KCNIP4: variants seen among roughly 807,000 people sequenced by gnomAD.
KCNIP4 encodes potassium voltage-gated channel interacting protein 4.
A neutral mutation model predicts 34.0 loss-of-function variants in KCNIP4; 12 were observed. The observed-to-expected ratio is 0.35, with a 90% CI of 0.23 to 0.57. The LOEUF (loss-of-function observed/expected upper bound fraction) is 0.57, where lower values mean the gene tolerates loss of function less well. KCNIP4 is among the 20% of genes least tolerant of loss of function. KCNIP4 has a pLI of 0.83. For missense variants in KCNIP4, 238 were observed against 311.7 expected, an observed-to-expected ratio of 0.76 and a Z score of 1.78; for synonymous variants, 124 against 102.2, an observed-to-expected ratio of 1.21 and a Z score of -1.29.
At chr4:20,981,600 A>G (rs1736072157) in intron 1 of KCNIP4, among the ~76,000 whole-genome samples, 1 of 152,212 alleles carries the variant, frequency 6.6e-6, no homozygotes, top group Non-Finnish European at 1.5e-5. Context: ...ATGACAAGTC[A>G]GTTAACTTTA....
chr4:21,234,542 TAA>T (rs1161885204), intron 1 of KCNIP4, among the ~76,000 whole-genome samples: 1 of 128,268 alleles, frequency 7.8e-6, no homozygotes, highest in Non-Finnish European at 1.6e-5. Context: ...ATAACGTATA[TAA>T]TATATATTAC....
At chr4:21,604,545 TA>T (rs1247344251) in intron 1 of KCNIP4, among the ~76,000 whole-genome samples, 1 of 152,188 alleles carries the variant, frequency 6.6e-6, no homozygotes, top group Non-Finnish European at 1.5e-5. Context: ...ATGGCAAGCA[TA>T]AATGGGACCT....
intron 1 of KCNIP4, among the ~76,000 whole-genome samples, chr4:21,207,925 C>G (rs1023624488): frequency 6.6e-6 from 1 of 151,070 alleles, no homozygotes; most frequent in Non-Finnish European, 1.5e-5. Context: ...TCACTGCAAC[C>G]TCCACCTCTG....
intron 1 of KCNIP4, among the ~76,000 whole-genome samples, chr4:21,942,521 G>T (rs1475945870): frequency 6.6e-6 from 1 of 152,156 alleles, no homozygotes; most frequent in East Asian, 1.9e-4. Flanking sequence ...GATAGTCATG[G>T]TGCTATAGAT....
intron 1 of KCNIP4, among the ~76,000 whole-genome samples, chr4:21,327,748 T>C (rs1049354136): frequency 2.0e-5 from 3 of 151,996 alleles, no homozygotes; most frequent in African/African-American, 7.2e-5. Context: ...TTCTTTCTGA[T>C]GTTTTTGTCC....
At chr4:20,730,551 T>G (rs1296342917) in intron 8 of KCNIP4, among the ~76,000 whole-genome samples, 1 of 151,904 alleles carries the variant, frequency 6.6e-6, no homozygotes, top group Non-Finnish European at 1.5e-5. Context: ...GAGCCAGCAG[T>G]TCATGAAGAT....
chr4:21,144,498 G>A (rs541420640), intron 1 of KCNIP4, among the ~76,000 whole-genome samples: 14 of 152,294 alleles, frequency 9.2e-5, no homozygotes, highest in African/African-American at 3.4e-4. Flanking sequence ...ACCCTGGTAT[G>A]AAGAGTCCCT....
At chr4:21,849,709 G>A (rs1469470261) in intron 1 of KCNIP4, 3 of 151,924 alleles carry the variant, frequency 2.0e-5, no homozygotes, top group African/African-American at 7.3e-5. Context: ...TATAAAGAAA[G>A]AATACTAGAT....
chr4:21,528,299 A>G (rs1314409121), intron 1 of KCNIP4, among the ~76,000 whole-genome samples: 1 of 152,028 alleles, frequency 6.6e-6, no homozygotes, highest in East Asian at 1.9e-4. Context: ...TTGTTTTTGG[A>G]ATGATTGTAC....
chr4:20,754,135 C>G (rs548806023), intron 4 of KCNIP4, among the ~76,000 whole-genome samples: 1 of 152,204 alleles, frequency 6.6e-6, no homozygotes, highest in African/African-American at 2.4e-5. Context: ...ACCAACAAAC[C>G]GTTTCCTCTC....
In KCNIP4 at chr4:21,115,694, T is replaced by G. The variant is rs560759476; in HGVS notation, c.62-232985A>C. ...GATCAATAATGATAAATTGGATTTT[T>G]AGCCTTTGGGAATAAATGGGGAACC... On this transcript the variant is annotated intron_variant, in intron 1 of 8. Transcript: ENST00000382152. 3.5e-3 allele frequency among the ~76,000 whole-genome samples: 534 copies of G among 152,304 alleles called. 1 individual carries two copies. Among genetic ancestry groups the G allele is most frequent in the African/African-American group, 0.013 (522 of 41,562 alleles).
intron 1 of KCNIP4, among the ~76,000 whole-genome samples, chr4:21,645,981 A>G (rs16871653): frequency 0.01 from 1,572 of 152,290 alleles, 81 homozygotes; most frequent in Admixed American, 0.09. Flanking sequence ...ATCTGTTGCA[A>G]TATCACCAGA....
At chr4:21,365,720 A>G (rs1719706120) in intron 1 of KCNIP4, among the ~76,000 whole-genome samples, 1 of 152,050 alleles carries the variant, frequency 6.6e-6, no homozygotes, top group East Asian at 1.9e-4. Flanking sequence ...GGCAGCAAAA[A>G]TTTATCTACA....
At chr4:20,844,030 G>A (rs1720074462) in intron 3 of KCNIP4, among the ~76,000 whole-genome samples, 1 of 152,126 alleles carries the variant, frequency 6.6e-6, no homozygotes, top group Non-Finnish European at 1.5e-5. Context: ...TCTTTTGACA[G>A]CACTCTTAAA....
At chr4:21,037,110 A>C (rs560346169) in intron 1 of KCNIP4, among the ~76,000 whole-genome samples, 16 of 152,208 alleles carry the variant, frequency 1.1e-4, no homozygotes, top group Non-Finnish European at 5.9e-5. Flanking sequence ...TTTTAAGCTA[A>C]GTGTGGTTAT....
At chr4:21,660,652 G>C (rs1398725601) in intron 1 of KCNIP4, among the ~76,000 whole-genome samples, 1 of 152,158 alleles carries the variant, frequency 6.6e-6, no homozygotes, top group African/African-American at 2.4e-5. Flanking sequence ...TGTTAACTTG[G>C]ACCTGGAGGT....
intron 1 of KCNIP4, among the ~76,000 whole-genome samples, chr4:21,744,312 T>C (rs1716624483): frequency 6.6e-6 from 1 of 152,172 alleles, no homozygotes; most frequent in Non-Finnish European, 1.5e-5. Context: ...TGAAGTCCTT[T>C]GTCTCTGTAT....
chr4:21,247,627 A>ACACCACAGG (rs1180650699), intron 1 of KCNIP4, among the ~76,000 whole-genome samples: 2 of 143,818 alleles, frequency 1.4e-5, no homozygotes, highest in Non-Finnish European at 1.5e-5. Context: ...ATATCTATAT[A>ACACCACAGG]TTTAGATATA....
chr4:21,443,728 T>C (rs1272376701), intron 1 of KCNIP4, among the ~76,000 whole-genome samples: 2 of 151,864 alleles, frequency 1.3e-5, no homozygotes, highest in Non-Finnish European at 2.9e-5. Flanking sequence ...AGCCCAGGAG[T>C]TCGAGACCAG....
Sources: allele counts gnomAD v4.1 joint callset (sites outside exome capture counted in the v4.1 genomes callset), GRCh38; gene constraint gnomAD v4.1.1; transcripts MANE v1.5; gene names NCBI Gene and HGNC (gene_info 2026-07-23, HGNC 2026-07-21).